SNX29: variants seen among roughly 807,000 people sequenced by gnomAD.
The protein encoded by SNX29 is sorting nexin 29.
A neutral mutation model predicts 102.1 loss-of-function variants in SNX29; 78 were observed. The ratio of observed to expected loss-of-function variants is 0.76; its 90% CI spans 0.64 to 0.92. SNX29 has a LOEUF of 0.92. SNX29 is among the 40% of genes least tolerant of loss of function. SNX29 has a pLI of 0.00. For missense variants in SNX29, 1,280 were observed against 1,061.7 expected (o/e 1.21, Z -2.86); for synonymous variants, 580 against 414.5 (o/e 1.40, Z -4.85).
chr16:12,232,812 C>T (rs1567338920), intron 14 of SNX29, among the ~76,000 whole-genome samples: 1 of 152,208 alleles, frequency 6.6e-6, no homozygotes, highest in Admixed American at 6.5e-5. Flanking sequence ...GAAGTCAGCA[C>T]ACATTGGTCC....
chr16:12,386,095 G>C (rs1393856724), intron 16 of SNX29, among the ~76,000 whole-genome samples: 1 of 152,240 alleles, frequency 6.6e-6, no homozygotes, highest in East Asian at 1.9e-4. Flanking sequence ...GGAGACTCCA[G>C]GGCAGCAAAA....
At chr16:12,180,867 G>T (rs1365388539) in intron 13 of SNX29, among the ~76,000 whole-genome samples, 1 of 152,150 alleles carries the variant, frequency 6.6e-6, no homozygotes, top group Non-Finnish European at 1.5e-5. Context: ...CTCTCCTGTG[G>T]ATTTCGTGTG....
chr16:12,120,375 G>T (rs2053921737), intron 11 of SNX29, among the ~76,000 whole-genome samples: 1 of 152,200 alleles, frequency 6.6e-6, no homozygotes, highest in African/African-American at 2.4e-5. Flanking sequence ...ATAAAGCCAG[G>T]GAGTTATTGC....
At chr16:12,412,179 A>G (rs2084424344) in intron 18 of SNX29, among the ~76,000 whole-genome samples, 2 of 152,186 alleles carry the variant, frequency 1.3e-5, no homozygotes, top group Non-Finnish European at 1.5e-5. Context: ...CAGACTGTTT[A>G]ATGCACATTG....
At chr16:12,009,879 G>C (rs2056589663) in intron 3 of SNX29, among the ~76,000 whole-genome samples, 1 of 152,218 alleles carries the variant, frequency 6.6e-6, no homozygotes, top group Non-Finnish European at 1.5e-5. Context: ...AAACGTGATT[G>C]TTCCGCCAAG....
intron 14 of SNX29, among the ~76,000 whole-genome samples, chr16:12,263,677 CATT>C (rs1441013514): frequency 6.6e-6 from 1 of 152,124 alleles, no homozygotes; most frequent in Admixed American, 6.5e-5. Flanking sequence ...AAAGAGAAAA[CATT>C]ATAAAGCCAT....
chr16:12,266,477 T>G (rs1435571375), intron 14 of SNX29, among the ~76,000 whole-genome samples: 1 of 152,130 alleles, frequency 6.6e-6, no homozygotes, highest in Non-Finnish European at 1.5e-5. Context: ...GGTCTACCAG[T>G]CATCTCAGTA....
intron 13 of SNX29, among the ~76,000 whole-genome samples, chr16:12,139,355 G>A (rs56225320): frequency 5.1e-4 from 78 of 152,120 alleles, no homozygotes; most frequent in African/African-American, 1.8e-3. Flanking sequence ...TGTCATCCAC[G>A]CACTGCCTGT....
intron 20 of SNX29, among the ~76,000 whole-genome samples, chr16:12,541,644 C>T (rs1014806318): frequency 6.6e-6 from 1 of 152,210 alleles, no homozygotes; most frequent in Non-Finnish European, 1.5e-5. Context: ...CATCTTCGTT[C>T]AGCCAGCTCC....
chr16:12,456,920 G>A (rs1396968353), intron 18 of SNX29, among the ~76,000 whole-genome samples: 7 of 152,126 alleles, frequency 4.6e-5, no homozygotes, highest in Non-Finnish European at 7.4e-5. Flanking sequence ...CTTGTCTGCC[G>A]ATGGCCTCCA....
intron 14 of SNX29, among the ~76,000 whole-genome samples, chr16:12,265,575 C>G (rs946504556): frequency 2.0e-5 from 3 of 151,804 alleles, no homozygotes; most frequent in Admixed American, 6.6e-5. Context: ...AAAATTCTCA[C>G]GTCGGCCAGG....
chr16:12,402,033 C>T (rs1166990346), intron 17 of SNX29, among the ~76,000 whole-genome samples: 1 of 152,180 alleles, frequency 6.6e-6, no homozygotes, highest in Non-Finnish European at 1.5e-5. Flanking sequence ...TGTAGCCTGA[C>T]ACAGAAATGA....
At chr16:12,294,117 A>G (rs1164537674) in intron 15 of SNX29, among the ~76,000 whole-genome samples, 1 of 152,238 alleles carries the variant, frequency 6.6e-6, no homozygotes, top group Non-Finnish European at 1.5e-5. Flanking sequence ...AGAATGTGAG[A>G]ATCGAAATCC....
intron 8 of SNX29, among the ~76,000 whole-genome samples, chr16:12,056,952 G>C (rs2050545747): frequency 7.8e-6 from 1 of 128,530 alleles, no homozygotes; most frequent in East Asian, 1.9e-4. Context: ...CTCCTGAGTA[G>C]CTAGGACTAT....
chr16:12,179,440 C>A (rs190686775), intron 13 of SNX29, among the ~76,000 whole-genome samples: 1 of 152,204 alleles, frequency 6.6e-6, no homozygotes, highest in African/African-American at 2.4e-5. Context: ...GCCATGATGG[C>A]GCCACTGTAC....
At chr16:12,449,981 T>TG (rs149591914) in intron 18 of SNX29, among the ~76,000 whole-genome samples, 1,604 of 152,250 alleles carry the variant, frequency 0.011, 15 homozygotes, top group Middle Eastern at 0.027. Context: ...AACTGAATCA[T>TG]GGGGGGCGGT....
At chr16:12,507,026 A>C (rs1308755873) in intron 19 of SNX29, among the ~76,000 whole-genome samples, 1 of 152,216 alleles carries the variant, frequency 6.6e-6, no homozygotes, top group Non-Finnish European at 1.5e-5. Flanking sequence ...GAACCTGTAG[A>C]TTATTGTGAG....
At chr16:12,458,440 T>G (rs3862467) in intron 18 of SNX29, among the ~76,000 whole-genome samples, 2 of 152,320 alleles carry the variant, frequency 1.3e-5, no homozygotes, top group Non-Finnish European at 1.5e-5. Flanking sequence ...TGAGTGGTCT[T>G]GCTTCTGTGG....
At chr16:12,552,859 A>T (rs1489275878) in intron 20 of SNX29, among the ~76,000 whole-genome samples, 1 of 152,220 alleles carries the variant, frequency 6.6e-6, no homozygotes, top group South Asian at 2.1e-4. Flanking sequence ...GGTGTGGCAG[A>T]TGGCAGGGCC....
Sources: gnomAD v4.1 joint callset for allele counts (sites outside exome capture counted in the v4.1 genomes callset) on GRCh38, gnomAD v4.1.1 for gene constraint, MANE v1.5 for transcripts, NCBI Gene and HGNC (gene_info 2026-07-23, HGNC 2026-07-21) for gene names.